The following RALGAPA2 variants were observed in gnomAD, a reference collection of about 807,000 sequenced individuals.
RALGAPA2 encodes the protein Ral GTPase activating protein catalytic subunit alpha 2.
A neutral mutation model predicts 230.4 loss-of-function variants in RALGAPA2; 139 were observed. The observed-to-expected ratio is 0.60, with a 90% CI of 0.53 to 0.69. The LOEUF (loss-of-function observed/expected upper bound fraction) is 0.69, where lower values mean the gene tolerates loss of function less well. RALGAPA2 is among the 30% of genes least tolerant of loss of function. The probability of loss-of-function intolerance (pLI) is 0.00; values close to 1 mark genes in which losing one functional copy is unlikely to be tolerated. For missense variants in RALGAPA2, 2,163 were observed against 2,276.0 expected (o/e 0.95, Z 1.01); for synonymous variants, 847 against 837.8 (o/e 1.01, Z -0.19).
chr20:20,410,552 A>G (rs2060038850), intron 38 of RALGAPA2, among the ~76,000 whole-genome samples: 1 of 152,238 alleles, frequency 6.6e-6, no homozygotes, highest in Non-Finnish European at 1.5e-5. Flanking sequence ...TTTGCTACAG[A>G]TCCCTCATGT....
intron 9 of RALGAPA2, among the ~76,000 whole-genome samples, chr20:20,633,113 TTCTC>T (rs567503816): frequency 2.3e-4 from 35 of 151,366 alleles, no homozygotes; most frequent in South Asian, 4.2e-4. Context: ...TTCTCTTTCT[TTCTC>T]TCTCTTTCTT....
intron 23 of RALGAPA2, among the ~76,000 whole-genome samples, chr20:20,554,690 G>A (rs1293853143): frequency 6.6e-6 from 1 of 152,056 alleles, no homozygotes; most frequent in East Asian, 1.9e-4. Flanking sequence ...TTTTGGTAGA[G>A]GTGGGGTTTC....
intron 23 of RALGAPA2, among the ~76,000 whole-genome samples, chr20:20,556,811 C>T (rs550100898): frequency 6.6e-6 from 1 of 152,216 alleles, no homozygotes; most frequent in African/African-American, 2.4e-5. Flanking sequence ...GGCATTTATA[C>T]AGCAACAAGA....
intron 37 of RALGAPA2, among the ~76,000 whole-genome samples, chr20:20,461,651 A>G (rs2061304037): frequency 6.6e-6 from 1 of 152,208 alleles, no homozygotes; most frequent in Non-Finnish European, 1.5e-5. Flanking sequence ...TCTTAGAACA[A>G]CTGTCAAAAG....
chr20:20,634,169 T>C (rs2066777935), intron 9 of RALGAPA2, among the ~76,000 whole-genome samples: 1 of 152,044 alleles, frequency 6.6e-6, no homozygotes, highest in South Asian at 2.1e-4. Flanking sequence ...TCAGTTCAGA[T>C]AAACTCTTAT....
chr20:20,425,274 G>A (rs765342595), intron 37 of RALGAPA2, among the ~76,000 whole-genome samples: 3 of 152,158 alleles, frequency 2.0e-5, no homozygotes, highest in South Asian at 4.1e-4. Context: ...GCTCAGGCAC[G>A]ACACAACTGA....
At chr20:20,425,232 C>T (rs912013548) in intron 37 of RALGAPA2, among the ~76,000 whole-genome samples, 4 of 152,184 alleles carry the variant, frequency 2.6e-5, no homozygotes, top group African/African-American at 9.7e-5. Flanking sequence ...TACCTATAAA[C>T]AATCTCTTAG....
chr20:20,599,865 C>T (rs918136885), intron 16 of RALGAPA2, among the ~76,000 whole-genome samples: 2 of 151,718 alleles, frequency 1.3e-5, no homozygotes, highest in Non-Finnish European at 2.9e-5. Flanking sequence ...CCCAGCTACT[C>T]GGGAGGCTGA....
chr20:20,680,600 A>G, intron 2 of RALGAPA2, 91 bp downstream of exon 2: 2 of 1,408,096 alleles, frequency 1.4e-6, no homozygotes, highest in Non-Finnish European at 1.8e-6. Flanking sequence ...CAAGAAAGAA[A>G]GCTTAAAAAT....
intron 37 of RALGAPA2, among the ~76,000 whole-genome samples, chr20:20,421,985 C>T (rs1464543848): frequency 2.6e-5 from 4 of 152,136 alleles, no homozygotes; most frequent in African/African-American, 7.2e-5. Context: ...TGCTGTGACA[C>T]GGATGGACTT....
intron 37 of RALGAPA2, among the ~76,000 whole-genome samples, chr20:20,421,075 T>C (rs1314611456): frequency 6.6e-6 from 1 of 152,130 alleles, no homozygotes; most frequent in Non-Finnish European, 1.5e-5. Flanking sequence ...GGATCTTGTA[T>C]CTCAAATATA....
intron 36 of RALGAPA2, among the ~76,000 whole-genome samples, chr20:20,473,451 C>T (rs2123402938): frequency 6.6e-6 from 1 of 152,260 alleles, no homozygotes; most frequent in Middle Eastern, 3.4e-3. Context: ...ACCTTTTCCC[C>T]CTCTGCTTCC....
At chr20:20,610,332 A>G (rs539371810) in intron 14 of RALGAPA2, among the ~76,000 whole-genome samples, 3 of 152,306 alleles carry the variant, frequency 2.0e-5, no homozygotes, top group East Asian at 1.9e-4. Flanking sequence ...AATATTAGCA[A>G]CATCACAGTA....
chr20:20,619,290 T>C lies in RALGAPA2; in HGVS notation c.1526A>G (p.Gln509Arg). 1 of 1,606,088 alleles carries C rather than the reference T, an allele frequency of 6.2e-7. No individual in the cohort carries two copies. Among genetic ancestry groups the C allele is most frequent in the Non-Finnish European group, 8.5e-7 (1 of 1,174,926 alleles). ...EENTNVKAGV[Q>R]ALLQVFLTNS... is the part of the protein sequence containing the mutation. ...CCAGCCACATACCTGCAACAAAGCC[T>C]GGACGCCGGCTTTCACATTTGTATT... Residue 509 changes from glutamine to arginine, a missense_variant, in exon 12 of 40, where the codon CAG (glutamine) becomes CGG (arginine). Gln to Arg is a conservative substitution (Grantham distance 43). Coordinates refer to ENST00000202677, the MANE Select transcript of RALGAPA2 (RefSeq NM_020343.4).
At chr20:20,578,538 A>G (rs556557276) in intron 20 of RALGAPA2, among the ~76,000 whole-genome samples, 2 of 152,314 alleles carry the variant, frequency 1.3e-5, no homozygotes, top group East Asian at 3.9e-4. Context: ...CTAAAAGTTT[A>G]GAACTTTGCA....
At chr20:20,688,684 G>A (rs2068790796) in intron 1 of RALGAPA2, among the ~76,000 whole-genome samples, 1 of 152,142 alleles carries the variant, frequency 6.6e-6, no homozygotes, top group African/African-American at 2.4e-5. Context: ...GAGAGTGTCA[G>A]GTCTCCATTC....
chr20:20,593,425 T>A (rs574539265), intron 16 of RALGAPA2, among the ~76,000 whole-genome samples: 11 of 152,380 alleles, frequency 7.2e-5, no homozygotes, highest in African/African-American at 2.2e-4. Flanking sequence ...ACAGACTACG[T>A]CCTTCTCACA....
intron 37 of RALGAPA2, among the ~76,000 whole-genome samples, chr20:20,440,311 T>C (rs1436630720): frequency 6.6e-6 from 1 of 152,246 alleles, no homozygotes; most frequent in Non-Finnish European, 1.5e-5. Context: ...CTTGGAATTT[T>C]GCTTCAAAAC....
At chr20:20,422,664 CAT>C (rs1006122060) in intron 37 of RALGAPA2, among the ~76,000 whole-genome samples, 1 of 152,208 alleles carries the variant, frequency 6.6e-6, no homozygotes, top group African/African-American at 2.4e-5. Flanking sequence ...TCACTGAACA[CAT>C]GAGAGAACAA....
Sources: gnomAD v4.1 joint callset for allele counts (sites outside exome capture counted in the v4.1 genomes callset) on GRCh38, gnomAD v4.1.1 for gene constraint, MANE v1.5 for transcripts, NCBI Gene and HGNC (gene_info 2026-07-23, HGNC 2026-07-21) for gene names.